The following PGCKA1 variants were observed in gnomAD, a reference collection of about 807,000 sequenced individuals.
PGCKA1 encodes PDCD10 and GCKIII kinases associated 1.
At chr4:37,480,921 A>T in the PGCKA1 span, among the ~76,000 whole-genome samples, 3 of 152,248 alleles carry the variant, frequency 2.0e-5, no homozygotes, top group Non-Finnish European at 2.9e-5. Flanking sequence ...ATCCAAGATG[A>T]TGATGCTCCT....
chr4:37,508,502 T>G, the PGCKA1 span, among the ~76,000 whole-genome samples: 1 of 150,078 alleles, frequency 6.7e-6, no homozygotes, highest in African/African-American at 2.5e-5. Context: ...AAGACCATGA[T>G]GCATTCTTCA....
At chr4:37,549,890 A>G in the PGCKA1 span, among the ~76,000 whole-genome samples, 1 of 152,178 alleles carries the variant, frequency 6.6e-6, no homozygotes, top group Non-Finnish European at 1.5e-5. Context: ...TGGTCCACAC[A>G]GGCCGAAGCA....
the PGCKA1 span, among the ~76,000 whole-genome samples, chr4:37,578,611 GT>G: frequency 6.6e-6 from 1 of 152,032 alleles, no homozygotes; most frequent in South Asian, 2.1e-4. Flanking sequence ...TTGTTTTGTG[GT>G]CTTCCTTTCC....
the PGCKA1 span, among the ~76,000 whole-genome samples, chr4:37,583,235 G>T: frequency 1.5e-4 from 23 of 152,272 alleles, no homozygotes; most frequent in Admixed American, 1.5e-3. Context: ...GCAGCTTCCA[G>T]ATGGGTTGAG....
At chr4:37,531,070 A>G in the PGCKA1 span, among the ~76,000 whole-genome samples, 3 of 152,242 alleles carry the variant, frequency 2.0e-5, no homozygotes, top group Non-Finnish European at 2.9e-5. Context: ...GTGTCCAGAA[A>G]TGAAATCTTT....
chr4:37,539,745 T>A, the PGCKA1 span, among the ~76,000 whole-genome samples: 1 of 152,226 alleles, frequency 6.6e-6, no homozygotes, highest in South Asian at 2.1e-4. Flanking sequence ...TCACTGGAAT[T>A]AATGGGGAAT....
At chr4:37,468,577 T>A in the PGCKA1 span, among the ~76,000 whole-genome samples, 1 of 152,334 alleles carries the variant, frequency 6.6e-6, no homozygotes, top group Admixed American at 6.5e-5. Flanking sequence ...ATCGTCTAAA[T>A]GAGCTGCTAT....
At chr4:37,580,918 T>G in the PGCKA1 span, among the ~76,000 whole-genome samples, 2 of 152,172 alleles carry the variant, frequency 1.3e-5, no homozygotes, top group African/African-American at 4.8e-5. Context: ...TGGTGCTCTA[T>G]TCTACTGGGG....
the PGCKA1 span, among the ~76,000 whole-genome samples, chr4:37,478,828 C>T: frequency 6.6e-6 from 1 of 152,154 alleles, no homozygotes; most frequent in Admixed American, 6.5e-5. Context: ...ATTATTTTTT[C>T]ATGGGAAGGT....
chr4:37,542,737 T>A, the PGCKA1 span, among the ~76,000 whole-genome samples: 3 of 152,186 alleles, frequency 2.0e-5, no homozygotes, highest in Non-Finnish European at 2.9e-5. Flanking sequence ...CCATTTTGAC[T>A]GTGCAGCTCC....
chr4:37,535,757 G>T, the PGCKA1 span, among the ~76,000 whole-genome samples: 1 of 152,202 alleles, frequency 6.6e-6, no homozygotes, highest in Non-Finnish European at 1.5e-5. Flanking sequence ...TGAGGAAATT[G>T]ACATCCTCAG....
the PGCKA1 span, among the ~76,000 whole-genome samples, chr4:37,514,815 C>T: frequency 2.0e-5 from 3 of 152,140 alleles, no homozygotes; most frequent in Non-Finnish European, 4.4e-5. Context: ...CTGGAGGATC[C>T]ATCCTCAAGA....
At chr4:37,544,726 G>T in the PGCKA1 span, among the ~76,000 whole-genome samples, 1 of 151,692 alleles carries the variant, frequency 6.6e-6, no homozygotes, top group Non-Finnish European at 1.5e-5. Flanking sequence ...TATTGTCAGT[G>T]GCTTGGGGTT....
At chr4:37,490,676 C>G in the PGCKA1 span, among the ~76,000 whole-genome samples, 1 of 152,150 alleles carries the variant, frequency 6.6e-6, no homozygotes, top group Non-Finnish European at 1.5e-5. Context: ...AATGCAGCCT[C>G]CTTTGTTTCT....
chr4:37,550,322 A>AAT, the PGCKA1 span, among the ~76,000 whole-genome samples: 1,248 of 152,198 alleles, frequency 8.2e-3, 19 homozygotes, highest in African/African-American at 0.029. Context: ...ATCAGCAAGG[A>AAT]ATAGGGTGCA....
the PGCKA1 span, among the ~76,000 whole-genome samples, chr4:37,480,565 C>T: frequency 6.6e-6 from 1 of 152,216 alleles, no homozygotes; most frequent in Non-Finnish European, 1.5e-5. Flanking sequence ...CTTTCTCTTA[C>T]AGACTAAGAG....
chr4:37,454,046 G>A, the PGCKA1 span: 1 of 154,316 alleles, frequency 6.5e-6, no homozygotes, highest in Non-Finnish European at 1.4e-5. Flanking sequence ...CCCAGGTAGG[G>A]ACAATCCCCC....
the PGCKA1 span, among the ~76,000 whole-genome samples, chr4:37,496,115 T>G: frequency 1.3e-5 from 2 of 152,228 alleles, no homozygotes; most frequent in African/African-American, 4.8e-5. Flanking sequence ...AGAAGCTCTT[T>G]TGTTTAATTA....
the PGCKA1 span, among the ~76,000 whole-genome samples, chr4:37,557,000 G>T: frequency 6.6e-6 from 1 of 152,130 alleles, no homozygotes; most frequent in Non-Finnish European, 1.5e-5. Context: ...CACTGAAAGG[G>T]TGTAAAACCA....
Sources: allele counts gnomAD v4.1 joint callset (sites outside exome capture counted in the v4.1 genomes callset), GRCh38; gene constraint gnomAD v4.1.1; transcripts MANE v1.5; gene names NCBI Gene and HGNC (gene_info 2026-07-23, HGNC 2026-07-21).